The following NFIB variants were observed in gnomAD, a reference collection of about 807,000 sequenced individuals.
NFIB encodes the protein nuclear factor I B, also known as nuclear factor 1 B-type.
A neutral mutation model predicts 61.5 loss-of-function variants in NFIB; 11 were observed. That is an observed-to-expected ratio of 0.18 (90% CI 0.11 to 0.30). NFIB has a LOEUF of 0.30. NFIB is among the 10% of genes least tolerant of loss of function. NFIB has a pLI of 1.00. For synonymous variants in NFIB, 260 were observed against 216.5 expected (o/e 1.20, Z -1.76); for missense variants, 471 against 608.9 (o/e 0.77, Z 2.38).
At chr9:14,179,879 T>C in intron 2 of NFIB, 99 bp from the exon 3 acceptor site, 1 of 1,076,326 alleles carries the variant, frequency 9.3e-7, no homozygotes. Flanking sequence ...GGTATAAAAA[T>C]GAAGTTGAGT....
intron 2 of NFIB, among the ~76,000 whole-genome samples, chr9:14,288,353 GATTAATCA>G (rs1452915508): frequency 7.4e-6 from 1 of 135,752 alleles, no homozygotes; most frequent in Non-Finnish European, 1.7e-5. Flanking sequence ...ATAAAAAAGA[GATTAATCA>G]ATCAAAGCCA....
At chr9:14,398,475 G>T in intron 1 of NFIB, 1 of 1,328,166 alleles carries the variant, frequency 7.5e-7, no homozygotes, top group South Asian at 1.3e-5. Context: ...TAAGAAGTTG[G>T]GACCTATTTG....
At chr9:14,223,796 T>C (rs1324241734) in intron 2 of NFIB, among the ~76,000 whole-genome samples, 1 of 152,110 alleles carries the variant, frequency 6.6e-6, no homozygotes. Flanking sequence ...AAGAAGGAAA[T>C]GGAAATACCT....
At chr9:14,105,775 T>C (rs1563789530) in intron 10 of NFIB, among the ~76,000 whole-genome samples, 3 of 152,198 alleles carry the variant, frequency 2.0e-5, no homozygotes, top group Admixed American at 1.3e-4. Context: ...AGGTTAATAC[T>C]ACATGTATTT....
chr9:14,509,199 T>C, the NFIB span, among the ~76,000 whole-genome samples: 1 of 152,350 alleles, frequency 6.6e-6, no homozygotes, highest in East Asian at 1.9e-4. Context: ...TCCTAGTTTC[T>C]ACTATAGGAA....
At chr9:14,237,834 G>T in intron 2 of NFIB, among the ~76,000 whole-genome samples, 2 of 65,498 alleles carry the variant, frequency 3.1e-5, no homozygotes, top group African/African-American at 1.2e-4. Context: ...CACCCTGCTA[G>T]GTATAACAGT....
chr9:14,483,583 G>A, the NFIB span, among the ~76,000 whole-genome samples: 16,751 of 152,160 alleles, frequency 0.11, 1,022 homozygotes, highest in South Asian at 0.19. Context: ...TAACCTCTCT[G>A]AGCTTTGGTA....
At chr9:14,369,908 A>G (rs1163784512) in intron 1 of NFIB, among the ~76,000 whole-genome samples, 1 of 152,174 alleles carries the variant, frequency 6.6e-6, no homozygotes, top group Non-Finnish European at 1.5e-5. Context: ...AGCAGATCAG[A>G]CATTCTCCAT....
chr9:14,472,135 T>G, the NFIB span, among the ~76,000 whole-genome samples: 5 of 152,250 alleles, frequency 3.3e-5, no homozygotes, highest in African/African-American at 1.2e-4. Context: ...TCAGGTTGAC[T>G]GAAATTTTGA....
chr9:14,283,861 G>A (rs541711718), intron 2 of NFIB, among the ~76,000 whole-genome samples: 11 of 152,328 alleles, frequency 7.2e-5, no homozygotes, highest in Non-Finnish European at 2.9e-5. Flanking sequence ...GACAGGAAAA[G>A]ACAAACCATA....
At chr9:14,230,368 T>A (rs1341024183) in intron 2 of NFIB, among the ~76,000 whole-genome samples, 3 of 152,186 alleles carry the variant, frequency 2.0e-5, no homozygotes, top group Non-Finnish European at 4.4e-5. Flanking sequence ...TTAACAAATA[T>A]TTGTTTAACA....
At chr9:14,475,561 A>T in the NFIB span, among the ~76,000 whole-genome samples, 1 of 151,952 alleles carries the variant, frequency 6.6e-6, no homozygotes, top group Non-Finnish European at 1.5e-5. Flanking sequence ...CTCCTCCTTG[A>T]CCCCTGCAGC....
At chr9:14,467,308 C>T in the NFIB span, among the ~76,000 whole-genome samples, 1 of 152,094 alleles carries the variant, frequency 6.6e-6, no homozygotes, top group African/African-American at 2.4e-5. Context: ...GTTCCTCTTC[C>T]CAGCACAGCC....
intron 1 of NFIB, among the ~76,000 whole-genome samples, chr9:14,350,221 G>A (rs925248699): frequency 1.3e-5 from 2 of 152,096 alleles, no homozygotes; most frequent in African/African-American, 4.8e-5. Context: ...GATACAAACG[G>A]GCACAGAAAA....
intron 2 of NFIB, among the ~76,000 whole-genome samples, chr9:14,220,583 T>G (rs1339227300): frequency 2.6e-5 from 4 of 152,128 alleles, no homozygotes; most frequent in Non-Finnish European, 5.9e-5. Context: ...ATGCTGGACT[T>G]GCAGTCTCCT....
chr9:14,248,586 T>C (rs955399761), intron 2 of NFIB, among the ~76,000 whole-genome samples: 3 of 152,132 alleles, frequency 2.0e-5, no homozygotes, highest in African/African-American at 7.2e-5. Context: ...TACTTTTTGT[T>C]AGTAATAACA....
At chr9:14,321,283 G>A (rs1478335843) in intron 1 of NFIB, among the ~76,000 whole-genome samples, 1 of 151,968 alleles carries the variant, frequency 6.6e-6, no homozygotes. Flanking sequence ...GGGTTGGGGG[G>A]AAACTATTAA....
At chr9:14,447,887 A>G in the NFIB span, among the ~76,000 whole-genome samples, 1 of 152,120 alleles carries the variant, frequency 6.6e-6, no homozygotes, top group Admixed American at 6.6e-5. Flanking sequence ...TCGATTTAAG[A>G]TGATGCTTTT....
intron 3 of NFIB, among the ~76,000 whole-genome samples, chr9:14,157,077 C>A (rs560715222): frequency 3.9e-5 from 6 of 152,098 alleles, no homozygotes; most frequent in African/African-American, 1.2e-4. Context: ...AGATTCCTCA[C>A]TTAACAAATT....
Sources: allele counts gnomAD v4.1 joint callset (sites outside exome capture counted in the v4.1 genomes callset), GRCh38; gene constraint gnomAD v4.1.1; transcripts MANE v1.5; gene names NCBI Gene and HGNC (gene_info 2026-07-23, HGNC 2026-07-21).